The following PFKFB3 variants were observed in gnomAD, a reference collection of about 807,000 sequenced individuals.
PFKFB3 encodes 6-phosphofructo-2-kinase/fructose-2,6-biphosphatase 3.
A neutral mutation model predicts 68.0 loss-of-function variants in PFKFB3; 33 were observed. That is an observed-to-expected ratio of 0.49 (90% confidence interval 0.37 to 0.65). PFKFB3 has a LOEUF of 0.65. PFKFB3 is among the 30% of genes least tolerant of loss of function. PFKFB3 has a pLI of 0.00. For missense variants in PFKFB3, 586 were observed against 712.2 expected (o/e 0.82, Z 2.02); for synonymous variants, 315 against 288.2 (o/e 1.09, Z -0.94).
chr10:6,161,070 G>C (rs1165135798), intron 1 of PFKFB3, among the ~76,000 whole-genome samples: 1 of 152,034 alleles, frequency 6.6e-6, no homozygotes, highest in Non-Finnish European at 1.5e-5. Context: ...CGAGTAGCTG[G>C]GACTACAGGT....
At chr10:6,298,553 A>G in the PFKFB3 span, among the ~76,000 whole-genome samples, 10 of 152,024 alleles carry the variant, frequency 6.6e-5, no homozygotes, top group Non-Finnish European at 1.3e-4. Context: ...TTTTTCAGAG[A>G]TGGGGTCTTG....
At chr10:6,259,396 G>T (rs1445357966), downstream of PFKFB3, among the ~76,000 whole-genome samples, 2 of 136,604 alleles carry the variant, frequency 1.5e-5, no homozygotes, top group African/African-American at 5.6e-5. Context: ...CCATTCATCT[G>T]CTCACCCATC....
the PFKFB3 span, among the ~76,000 whole-genome samples, chr10:6,323,339 C>T: frequency 6.6e-6 from 1 of 152,226 alleles, no homozygotes; most frequent in Non-Finnish European, 1.5e-5. Context: ...TAACTCCCAT[C>T]TGAGGCCGAA....
chr10:6,273,002 C>CTTTT, the PFKFB3 span, among the ~76,000 whole-genome samples: 4 of 74,138 alleles, frequency 5.4e-5, no homozygotes, highest in African/African-American at 1.3e-4. Context: ...AGATTGCAGG[C>CTTTT]TTTTTTTTTT....
chr10:6,222,498 G>T (rs1046962663), intron 10 of PFKFB3, among the ~76,000 whole-genome samples: 1 of 152,124 alleles, frequency 6.6e-6, no homozygotes, highest in Admixed American at 6.5e-5. Flanking sequence ...GTTAGGAGCC[G>T]CTCCCGCCTG....
intron 1 of PFKFB3, among the ~76,000 whole-genome samples, chr10:6,167,330 G>T (rs962261473): frequency 2.6e-5 from 4 of 152,206 alleles, no homozygotes; most frequent in Admixed American, 6.5e-5. Flanking sequence ...TCAGCTCTGC[G>T]GTCCTCAGTG....
At chr10:6,245,543 C>G (rs961129669) in intron 14 of PFKFB3, among the ~76,000 whole-genome samples, 20 of 152,084 alleles carry the variant, frequency 1.3e-4, no homozygotes, top group Admixed American at 1.2e-3. Flanking sequence ...CAGCCTCCCC[C>G]GTAGCTGGGA....
At chr10:6,165,268 G>A (rs144216186) in intron 1 of PFKFB3, among the ~76,000 whole-genome samples, 1,648 of 152,294 alleles carry the variant, frequency 0.011, 68 homozygotes, top group East Asian at 0.099. Flanking sequence ...CATCCTGCAC[G>A]GCCCTGAATC....
At chr10:6,314,038 A>G in the PFKFB3 span, among the ~76,000 whole-genome samples, 2 of 152,364 alleles carry the variant, frequency 1.3e-5, no homozygotes, top group South Asian at 2.1e-4. Flanking sequence ...GAAACTGTGC[A>G]GCGTCCCTTG....
chr10:6,172,393 C>T (rs1481306703), intron 1 of PFKFB3, among the ~76,000 whole-genome samples: 1 of 152,192 alleles, frequency 6.6e-6, no homozygotes, highest in African/African-American at 2.4e-5. Context: ...ACTTCGCTGG[C>T]CTTTCCTGGC....
At chr10:6,171,969 G>A (rs1240958564) in intron 1 of PFKFB3, among the ~76,000 whole-genome samples, 12 of 152,222 alleles carry the variant, frequency 7.9e-5, no homozygotes, top group Non-Finnish European at 2.9e-5. Flanking sequence ...TGCAGCTGGC[G>A]GGCTGATTCA....
intron 14 of PFKFB3, among the ~76,000 whole-genome samples, chr10:6,227,801 C>T (rs1169149562): frequency 6.6e-6 from 1 of 152,210 alleles, no homozygotes; most frequent in South Asian, 2.1e-4. Context: ...AGCTCTCATA[C>T]ATATTCCCTT....
chr10:6,158,176 C>T (rs1588393618), intron 1 of PFKFB3, among the ~76,000 whole-genome samples: 1 of 151,884 alleles, frequency 6.6e-6, no homozygotes, highest in African/African-American at 2.4e-5. Flanking sequence ...GTGGTCCCAG[C>T]TACTTGGGAG....
Position 6,210,383 on chromosome 10 carries a change from C to T in PFKFB3, c.77-3240C>T, listed in dbSNP as rs1261183209. On this transcript the variant is annotated intron_variant, in intron 1 of 14. Transcript: ENST00000379775. ...TTTTTTGTTTTTTTTTTTTTTGAGA[C>T]GAAGTTTCGCTCTGTCACCCAGGCT... 1.8e-4 allele frequency among the ~76,000 whole-genome samples: 12 copies of T among 65,740 alleles called. 1 individual carries two copies. The highest frequency in any genetic ancestry group is 3.8e-4 in the African/African-American group (9 of 23,516). The allele number at this position is 65,740 out of a possible 152,430, so 43.1% of individuals were successfully genotyped here.
downstream of PFKFB3, among the ~76,000 whole-genome samples, chr10:6,238,736 T>C (rs1846079594): frequency 6.6e-6 from 1 of 152,088 alleles, no homozygotes; most frequent in African/African-American, 2.4e-5. Context: ...CACCCTCTGA[T>C]AGGCCCCAGT....
At chr10:6,169,308 A>G (rs1842234433) in intron 1 of PFKFB3, among the ~76,000 whole-genome samples, 1 of 152,044 alleles carries the variant, frequency 6.6e-6, no homozygotes, top group African/African-American at 2.4e-5. Context: ...GGGAGAGCAC[A>G]TTTTCTGTTC....
At chr10:6,292,296 T>A in the PFKFB3 span, among the ~76,000 whole-genome samples, 3 of 119,754 alleles carry the variant, frequency 2.5e-5, no homozygotes, top group Admixed American at 2.7e-4. Context: ...TTTTTTTTTT[T>A]TTTTTTGAGA....
chr10:6,243,221 A>T (rs1846179324), intron 14 of PFKFB3, among the ~76,000 whole-genome samples: 1 of 152,176 alleles, frequency 6.6e-6, no homozygotes, highest in South Asian at 2.1e-4. Context: ...AAAAAGAGAG[A>T]TCCCTTTAAC....
the PFKFB3 span, among the ~76,000 whole-genome samples, chr10:6,309,874 T>G: frequency 6.6e-6 from 1 of 152,202 alleles, no homozygotes; most frequent in South Asian, 2.1e-4. Context: ...TTCACTTTCC[T>G]GAATACAACA....
Sources: allele counts gnomAD v4.1 joint callset (sites outside exome capture counted in the v4.1 genomes callset), GRCh38; gene constraint gnomAD v4.1.1; transcripts MANE v1.5; gene names NCBI Gene and HGNC (gene_info 2026-07-23, HGNC 2026-07-21).